CNTNAP2: variants seen among roughly 807,000 people sequenced by gnomAD.
CNTNAP2 encodes contactin associated protein 2.
Under a neutral mutation model 155.2 loss-of-function variants are expected in CNTNAP2, and 98 were observed. The ratio of observed to expected loss-of-function variants is 0.63; its 90% confidence interval spans 0.54 to 0.75. The LOEUF is 0.75. CNTNAP2 is among the 30% of genes least tolerant of loss of function. The pLI, the probability that CNTNAP2 is intolerant of heterozygous loss-of-function variation, is 0.00. For synonymous variants in CNTNAP2, 651 were observed against 631.2 expected (o/e 1.03, Z -0.47); for missense variants, 1,727 against 1,688.1 (o/e 1.02, Z -0.40).
chr7:147,565,819 A>G (rs2116797123), intron 12 of CNTNAP2, among the ~76,000 whole-genome samples: 1 of 152,310 alleles, frequency 6.6e-6, no homozygotes, highest in South Asian at 2.1e-4. Context: ...GTGAAGTGCC[A>G]TGTGCCATCT....
intron 1 of CNTNAP2, among the ~76,000 whole-genome samples, chr7:146,500,732 A>C (rs1163629576): frequency 1.3e-5 from 2 of 152,106 alleles, no homozygotes; most frequent in African/African-American, 4.8e-5. Flanking sequence ...AGACTATTTT[A>C]TCTGGCCAGA....
chr7:146,814,483 G>A (rs1210754943), intron 2 of CNTNAP2, among the ~76,000 whole-genome samples: 1 of 151,996 alleles, frequency 6.6e-6, no homozygotes, highest in Non-Finnish European at 1.5e-5. Flanking sequence ...CTTTTGGCAT[G>A]GTTGTCTAAA....
At position 146,923,440 on chromosome 7, in the gene CNTNAP2, G is replaced by A. The variant is rs191952007; in HGVS notation, c.402+83536G>A. Among the ~76,000 whole-genome samples the A allele has an allele frequency of 1.1e-4, 16 of 152,194 alleles. No homozygotes were observed. In the East Asian group the frequency reaches 2.3e-3, roughly 22 times the overall value. ...TTCCTGACAGAAGAGATTGGGTTTC[G>A]TTCTCTGTATTCTCATTGCTTGGCA... On this transcript the variant is annotated intron_variant, in intron 3 of 23. Transcript: ENST00000361727.
At chr7:146,956,511 C>T (rs1233735360) in intron 3 of CNTNAP2, among the ~76,000 whole-genome samples, 2 of 152,124 alleles carry the variant, frequency 1.3e-5, no homozygotes, top group African/African-American at 4.8e-5. Flanking sequence ...GTGTACATTG[C>T]AATTTGCAAT....
intron 11 of CNTNAP2, among the ~76,000 whole-genome samples, chr7:147,515,318 A>ACTC (rs1799100646): frequency 5.0e-5 from 4 of 80,118 alleles, no homozygotes; most frequent in Non-Finnish European, 1.3e-4. Context: ...AGTTCATTAT[A>ACTC]TTCTTTTTTT....
intron 1 of CNTNAP2, among the ~76,000 whole-genome samples, chr7:146,544,106 G>A (rs34297283): frequency 0.064 from 9,682 of 151,910 alleles, 357 homozygotes; most frequent in Non-Finnish European, 0.085. Context: ...ATTAAAACTG[G>A]GACAATTCTG....
chr7:146,165,080 T>A (rs1431353851), intron 1 of CNTNAP2, among the ~76,000 whole-genome samples: 2 of 152,174 alleles, frequency 1.3e-5, no homozygotes, highest in Non-Finnish European at 2.9e-5. Flanking sequence ...ATGACAATTA[T>A]CTTTAAACGT....
chr7:146,736,975 A>G (rs1407096131), intron 1 of CNTNAP2, among the ~76,000 whole-genome samples: 1 of 152,170 alleles, frequency 6.6e-6, no homozygotes, highest in East Asian at 1.9e-4. Context: ...GAACCAGTAG[A>G]GGGAGCTTTT....
intron 11 of CNTNAP2, among the ~76,000 whole-genome samples, chr7:147,493,364 CA>C (rs1393258107): frequency 6.6e-6 from 1 of 152,176 alleles, no homozygotes; most frequent in Non-Finnish European, 1.5e-5. Context: ...CAAATTCCTT[CA>C]ATTTACTTTC....
intron 22 of CNTNAP2, among the ~76,000 whole-genome samples, chr7:148,406,057 C>T (rs1302959801): frequency 6.6e-6 from 1 of 151,618 alleles, no homozygotes; most frequent in East Asian, 2.0e-4. Context: ...ACGGTGAAAC[C>T]CCGTTTCTAC....
chr7:146,164,367 GTT>G, intron 1 of CNTNAP2, among the ~76,000 whole-genome samples: 1 of 151,568 alleles, frequency 6.6e-6, no homozygotes, highest in Non-Finnish European at 1.5e-5. Flanking sequence ...TGTTTTTTTT[GTT>G]TTTTCTTTTT....
intron 8 of CNTNAP2, among the ~76,000 whole-genome samples, chr7:147,280,899 A>C (rs1805019152): frequency 6.6e-6 from 1 of 151,924 alleles, no homozygotes; most frequent in South Asian, 2.1e-4. Context: ...CAAGTTTTGG[A>C]AAGTGCAGAG....
intron 1 of CNTNAP2, among the ~76,000 whole-genome samples, chr7:146,130,319 G>C (rs2116734216): frequency 6.6e-6 from 1 of 152,198 alleles, no homozygotes; most frequent in Non-Finnish European, 1.5e-5. Context: ...TTAAAAACTA[G>C]CCAAGTGTGG....
At chr7:147,648,140 T>C (rs549808267) in intron 13 of CNTNAP2, among the ~76,000 whole-genome samples, 1 of 152,254 alleles carries the variant, frequency 6.6e-6, no homozygotes, top group Admixed American at 6.5e-5. Flanking sequence ...GTTTGATATT[T>C]TTAGGGATGA....
At chr7:147,944,702 A>T (rs1391308921) in intron 14 of CNTNAP2, among the ~76,000 whole-genome samples, 7 of 152,218 alleles carry the variant, frequency 4.6e-5, no homozygotes, top group Non-Finnish European at 1.0e-4. Context: ...CATCCATTCC[A>T]AGTAATTATT....
At chr7:147,699,277 G>A (rs140013599) in intron 13 of CNTNAP2, among the ~76,000 whole-genome samples, 2,490 of 146,170 alleles carry the variant, frequency 0.017, 223 homozygotes, top group Admixed American at 0.16. Context: ...TTCATAAAAA[G>A]GAATGAGTTC....
intron 1 of CNTNAP2, among the ~76,000 whole-genome samples, chr7:146,154,368 G>GT (rs1484773900): frequency 6.6e-6 from 1 of 152,096 alleles, no homozygotes. Flanking sequence ...GCTATACAGT[G>GT]TTTTTTAATA....
At chr7:146,495,532 C>A (rs764268644) in intron 1 of CNTNAP2, among the ~76,000 whole-genome samples, 1 of 143,702 alleles carries the variant, frequency 7.0e-6, no homozygotes. Context: ...ATGGAAAGTT[C>A]TTGCCACCTC....
chr7:147,011,899 A>G (rs1461977169), intron 3 of CNTNAP2, among the ~76,000 whole-genome samples: 1 of 152,332 alleles, frequency 6.6e-6, no homozygotes, highest in South Asian at 2.1e-4. Flanking sequence ...AAGAATCCAG[A>G]TAAGCCTGGC....
Sources: gnomAD v4.1 joint callset for allele counts (sites outside exome capture counted in the v4.1 genomes callset) on GRCh38, gnomAD v4.1.1 for gene constraint, MANE v1.5 for transcripts, NCBI Gene and HGNC (gene_info 2026-07-23, HGNC 2026-07-21) for gene names.